Variants in KCNMA1 observed in about 807,000 individuals in gnomAD.
KCNMA1 encodes the protein potassium calcium-activated channel subfamily M alpha 1, also known as Calcium-activated potassium channel subunit alpha-1.
KCNMA1 carries 29 observed loss-of-function variants against 140.0 expected under a neutral mutation model. That is an observed-to-expected ratio of 0.21 (90% CI 0.15 to 0.28). The LOEUF (loss-of-function observed/expected upper bound fraction) is 0.28. KCNMA1 is among the 10% of genes least tolerant of loss of function. The pLI, the probability that KCNMA1 is intolerant of heterozygous loss-of-function variation, is 1.00. For synonymous variants in KCNMA1, 612 were observed against 611.9 expected (o/e 1.00, Z 0.00); for missense variants, 880 against 1,602.2 (o/e 0.55, Z 7.70).
intron 14 of KCNMA1, among the ~76,000 whole-genome samples, 197 bp downstream of exon 14, chr10:77,072,900 C>T (rs192241751): frequency 2.6e-5 from 4 of 152,170 alleles, no homozygotes; most frequent in South Asian, 4.2e-4. Flanking sequence ...ATTTAATGGC[C>T]GTGGATGTGC....
At chr10:77,295,342 G>A (rs1286282538) in intron 2 of KCNMA1, among the ~76,000 whole-genome samples, 2 of 143,062 alleles carry the variant, frequency 1.4e-5, no homozygotes, top group South Asian at 2.2e-4. Flanking sequence ...AGTGAAACTC[G>A]GTCTCAAAAA....
chr10:77,108,172 C>G lies in KCNMA1; in HGVS notation c.1223+309G>C. 4 of 839,088 alleles carry G rather than the reference C, an allele frequency of 4.8e-6. No homozygotes were observed. Among genetic ancestry groups the G allele is most frequent in the Non-Finnish European group, 7.2e-6 (4 of 556,954 alleles). The allele number at this position is 839,088 out of a possible 1,614,324, so 52.0% of individuals were successfully genotyped here. ...CATCACACCCCATGCAGAAACTGGG[C>G]CTTCCCTCACAGAAGCACCCGGTGG... On this transcript the variant is annotated intron_variant, in intron 9 of 27. Coordinates refer to ENST00000286628, the MANE Select transcript of KCNMA1 (RefSeq NM_001161352.2). This position sits in a 1 kb window ranked among gnomAD's most constrained non-coding sequence, Gnocchi z 4.6.
intron 1 of KCNMA1, among the ~76,000 whole-genome samples, chr10:77,621,439 T>C (rs866185108): frequency 2.0e-5 from 3 of 152,154 alleles, no homozygotes; most frequent in South Asian, 2.1e-4. Context: ...CATGGTTTAA[T>C]GATGAGACTT....
At chr10:77,257,696 T>C (rs1417858220) in intron 2 of KCNMA1, among the ~76,000 whole-genome samples, 4 of 152,114 alleles carry the variant, frequency 2.6e-5, no homozygotes, top group Non-Finnish European at 5.9e-5. Flanking sequence ...GGGAGGTAAT[T>C]GAATCATGGG....
downstream of KCNMA1, chr10:76,875,273 A>G (rs977545044): frequency 6.6e-6 from 1 of 152,230 alleles, no homozygotes; most frequent in Non-Finnish European, 1.5e-5. Flanking sequence ...AGAACAATTC[A>G]TTATTACAAC....
intron 2 of KCNMA1, among the ~76,000 whole-genome samples, chr10:77,337,199 T>C (rs600557): frequency 0.84 from 127,323 of 152,234 alleles, 53,411 homozygotes; most frequent in Middle Eastern, 0.9. Context: ...GTATTTGTAG[T>C]TCCCTCATTC....
At chr10:76,974,292 G>T in intron 19 of KCNMA1, 1 of 517,856 alleles carries the variant, frequency 1.9e-6, no homozygotes, top group Non-Finnish European at 3.4e-6. Context: ...GTTTGGGGGT[G>T]AGGTCGTTTT....
chr10:77,562,128 C>T (rs2066591256), intron 1 of KCNMA1, among the ~76,000 whole-genome samples: 1 of 152,194 alleles, frequency 6.6e-6, no homozygotes, highest in Non-Finnish European at 1.5e-5. Flanking sequence ...TTTGTTTCTT[C>T]CCTATCTGTG....
chr10:77,432,614 C>T (rs1218090101), intron 1 of KCNMA1, among the ~76,000 whole-genome samples: 1 of 152,210 alleles, frequency 6.6e-6, no homozygotes, highest in African/African-American at 2.4e-5. Context: ...CAGATACACC[C>T]TCACACAAGG....
chr10:77,111,556 C>CTCT (rs2097324637), intron 7 of KCNMA1, among the ~76,000 whole-genome samples: 1 of 152,206 alleles, frequency 6.6e-6, no homozygotes. Flanking sequence ...AAGGGCTGGG[C>CTCT]AGGAGACTCT....
At chr10:77,023,277 C>A (rs927893579) in intron 16 of KCNMA1, among the ~76,000 whole-genome samples, 4 of 152,136 alleles carry the variant, frequency 2.6e-5, no homozygotes, top group African/African-American at 7.2e-5. Context: ...TGAAGACAAC[C>A]TATGATTCGT....
At chr10:77,409,985 T>C (rs1345752845) in intron 1 of KCNMA1, among the ~76,000 whole-genome samples, 1 of 152,124 alleles carries the variant, frequency 6.6e-6, no homozygotes, top group Non-Finnish European at 1.5e-5. Flanking sequence ...ATTGCCTTTC[T>C]GAAAGCAACT....
At chr10:77,405,107 G>A (rs371497851) in intron 1 of KCNMA1, among the ~76,000 whole-genome samples, 2 of 152,248 alleles carry the variant, frequency 1.3e-5, no homozygotes, top group African/African-American at 4.8e-5. Flanking sequence ...CACAGGGGCC[G>A]AAACTGTAAA....
chr10:77,415,888 T>A (rs1401464968), intron 1 of KCNMA1, among the ~76,000 whole-genome samples: 1 of 152,236 alleles, frequency 6.6e-6, no homozygotes, highest in Non-Finnish European at 1.5e-5. Context: ...GAACTGTCCT[T>A]TTCTTTGACA....
intron 1 of KCNMA1, among the ~76,000 whole-genome samples, chr10:77,564,557 T>C (rs1169267708): frequency 6.6e-6 from 1 of 152,184 alleles, no homozygotes; most frequent in African/African-American, 2.4e-5. Flanking sequence ...TACTCCAGCC[T>C]GGGCAACAGA....
chr10:76,909,104 C>G (rs1254026198), intron 25 of KCNMA1, among the ~76,000 whole-genome samples: 1 of 152,218 alleles, frequency 6.6e-6, no homozygotes, highest in Non-Finnish European at 1.5e-5. Flanking sequence ...TCCTTCCAGC[C>G]AGGCCTTGCC....
At chr10:77,320,782 T>C (rs2082127341) in intron 2 of KCNMA1, among the ~76,000 whole-genome samples, 1 of 152,190 alleles carries the variant, frequency 6.6e-6, no homozygotes, top group African/African-American at 2.4e-5. Flanking sequence ...GAGAATCCTG[T>C]GTTGAATGTT....
intron 19 of KCNMA1, among the ~76,000 whole-genome samples, chr10:76,991,021 C>T (rs964598961): frequency 3.3e-5 from 5 of 152,204 alleles, no homozygotes; most frequent in Admixed American, 1.3e-4. Flanking sequence ...TTCAAGCTGC[C>T]TACCTCGAGT....
intron 5 of KCNMA1, among the ~76,000 whole-genome samples, chr10:77,177,801 G>A (rs1298020392): frequency 6.6e-6 from 1 of 152,146 alleles, no homozygotes; most frequent in East Asian, 1.9e-4. Flanking sequence ...TTTACAGCCT[G>A]TACCTTGCAA....
Sources: gnomAD v4.1 joint callset for allele counts (sites outside exome capture counted in the v4.1 genomes callset) on GRCh38, gnomAD v4.1.1 for gene constraint, Gnocchi (gnomAD v3.1) non-coding constraint, MANE v1.5 for transcripts, NCBI Gene and HGNC (gene_info 2026-07-23, HGNC 2026-07-21) for gene names.